Variants in OCLN observed in about 807,000 individuals in gnomAD.
OCLN encodes the protein occludin, also known as phosphatase 1, regulatory subunit 115.
Under a neutral mutation model 47.9 loss-of-function variants are expected in OCLN, and 21 were observed. The ratio of observed to expected loss-of-function variants is 0.44; its 90% CI spans 0.31 to 0.63. OCLN has a LOEUF of 0.63. Ranked by LOEUF, OCLN falls within the 30% of genes least tolerant of loss-of-function variation. OCLN has a pLI of 0.08. For synonymous variants in OCLN, 117 were observed against 198.4 expected (o/e 0.59, Z 3.45); for missense variants, 360 against 571.0 (o/e 0.63, Z 3.77).
chr5:69,523,866 A>G (rs1769209150), intron 4 of OCLN, among the ~76,000 whole-genome samples: 1 of 151,976 alleles, frequency 6.6e-6, no homozygotes, highest in African/African-American at 2.4e-5. Flanking sequence ...CTGGACTTTA[A>G]GGCTGAGCAC....
At position 69,509,815 on chromosome 5, in the gene OCLN, A is replaced by G. The variant is rs1335438322; in HGVS notation, c.725A>G (p.Gln242Arg). 4 of 1,612,998 alleles carry G rather than the reference A, an allele frequency of 2.5e-6. No homozygotes were observed. Among genetic ancestry groups the G allele is most frequent in the Non-Finnish European group, 3.4e-6 (4 of 1,179,534 alleles). ...TATCACTACTGTGTTGTGGATCCCC[A>G]GGAGGTATGAGTGGTGTTTTGGGTT... ...YLYHYCVVDP[Q>R]EAIAIVLGFM... Residue 242 changes from glutamine (Q) to arginine (R), a missense_variant, in exon 3 of 9, where the codon CAG becomes CGG. By Grantham distance (43) the Gln-to-Arg change is conservative. Around this residue, in one of 3 missense-constraint regions of OCLN, gnomAD observed 314 missense variants for 368.1 expected, o/e 0.85. Transcript: ENST00000396442.
At chr5:69,525,635 T>C (rs982360413) in intron 4 of OCLN, among the ~76,000 whole-genome samples, 1 of 152,156 alleles carries the variant, frequency 6.6e-6, no homozygotes, top group Non-Finnish European at 1.5e-5. Context: ...ACTCAACCAG[T>C]TTCTCTGATA....
rs1169773461 is a variant in OCLN at position 69,500,407 on chromosome 5, T to TC, written c.-68-3770_-68-3769insC. ...GTTCTTAACGAGCTTTCTTTTCTTT[T>TC]TTTTTTTTTTGAGACGGAGTTTTGC... On this transcript the variant is annotated intron_variant, in intron 1 of 8. Transcript: ENST00000396442. 6.6e-5 allele frequency among the ~76,000 whole-genome samples: 10 copies of TC among 151,508 alleles called. No individual in the cohort carries two copies. The East Asian group carries it at 9.7e-4, about 15-fold the overall frequency.
At chr5:69,518,995 G>A (rs976308958) in intron 4 of OCLN, among the ~76,000 whole-genome samples, 7 of 152,054 alleles carry the variant, frequency 4.6e-5, no homozygotes, top group Non-Finnish European at 5.9e-5. Context: ...AAAATTAGCC[G>A]GACGTGGGCA....
intron 3 of OCLN, among the ~76,000 whole-genome samples, chr5:69,511,103 C>G (rs1768771741): frequency 6.6e-6 from 1 of 151,746 alleles, no homozygotes; most frequent in South Asian, 2.1e-4. Context: ...GAGACGGAGT[C>G]TTGCTCTATC....
At chr5:69,513,858 G>A (rs573934471) in intron 3 of OCLN, 90 bp from the exon 4 acceptor site, 2 of 1,067,606 alleles carry the variant, frequency 1.9e-6, no homozygotes, top group South Asian at 1.3e-5. Context: ...AGGGCCTTAG[G>A]GTAGATAAGG....
chr5:69,516,409 A>G (rs1323550189), intron 4 of OCLN, among the ~76,000 whole-genome samples: 1 of 152,124 alleles, frequency 6.6e-6, no homozygotes, highest in Non-Finnish European at 1.5e-5. Context: ...AGGCAGGAGA[A>G]TCAGGCAGGG....
chr5:69,511,894 G>A (rs976638909), intron 3 of OCLN, among the ~76,000 whole-genome samples: 5 of 151,860 alleles, frequency 3.3e-5, no homozygotes, highest in African/African-American at 9.7e-5. Context: ...ACACGGTGGC[G>A]TGCCTGTAAT....
intron 2 of OCLN, among the ~76,000 whole-genome samples, chr5:69,507,686 A>G (rs569263932): frequency 1.2e-4 from 18 of 151,884 alleles, no homozygotes; most frequent in Admixed American, 2.6e-4. Context: ...GCTTACTGCA[A>G]CCTCCACCTC....
chr5:69,533,134 C>CAT lies in OCLN; in HGVS notation c.892-1552_892-1551dup, dbSNP rs753669076. On this transcript the variant is annotated intron_variant, in intron 4 of 8. Coordinates refer to ENST00000396442, the MANE Select transcript of OCLN (RefSeq NM_001205254.2). ...ATATATATATACACACACACACACACATATATATACATACAGTGTTGGGAG... is the reference window on the plus strand; with the variant it reads ...ATATATATATACACACACACACACACATATATATATACATACAGTGTTGGGAG... Among the ~76,000 whole-genome samples, 93 of 149,690 alleles carry CAT rather than the reference C, an allele frequency of 6.2e-4. 1 individual carries two copies. The East Asian group carries it at 0.014, about 23-fold the overall frequency.
At position 69,547,049 on chromosome 5, in the gene OCLN, C is replaced by T. The variant is rs1580593553; in HGVS notation, c.1254-881C>T. 2.0e-5 allele frequency among the ~76,000 whole-genome samples: 3 copies of T among 148,752 alleles called. No homozygotes were observed. In the East Asian group the frequency reaches 5.8e-4, roughly 29 times the overall value. On this transcript the variant is annotated intron_variant, in intron 6 of 8. Transcript: ENST00000396442. Reference sequence around the variant, plus strand: ...TTCTTCTTTATACTTTAATGAATTGCCAGATTATTTTAACAGTGAGCACAT... The same window carrying T: ...TTCTTCTTTATACTTTAATGAATTGTCAGATTATTTTAACAGTGAGCACAT...
chr5:69,492,635 G>A (rs1409207637), upstream of OCLN: 2 of 152,412 alleles, frequency 1.3e-5, no homozygotes, highest in African/African-American at 2.4e-5. Flanking sequence ...CCAGAGCGCC[G>A]AGGAGCCGGT....
At chr5:69,530,767 C>T (rs1003427925) in intron 4 of OCLN, 6 of 152,294 alleles carry the variant, frequency 3.9e-5, no homozygotes, top group African/African-American at 1.2e-4. Flanking sequence ...AATCAGAGAT[C>T]TTTGCTGAAG....
At chr5:69,516,487 G>GA (rs1464507236) in intron 4 of OCLN, among the ~76,000 whole-genome samples, 1 of 151,994 alleles carries the variant, frequency 6.6e-6, no homozygotes, top group Admixed American at 6.5e-5. Context: ...GGAGACCGTG[G>GA]AAAGAGAGGG....
At chr5:69,527,419 C>G (rs1341441170) in intron 4 of OCLN, among the ~76,000 whole-genome samples, 3 of 152,218 alleles carry the variant, frequency 2.0e-5, no homozygotes, top group Admixed American at 6.5e-5. Context: ...AGCTGTATGG[C>G]TTGTGGAACA....
At chr5:69,498,160 A>G (rs763003170) in intron 1 of OCLN, among the ~76,000 whole-genome samples, 1 of 151,944 alleles carries the variant, frequency 6.6e-6, no homozygotes, top group Non-Finnish European at 1.5e-5. Flanking sequence ...TTATTAAATT[A>G]GTTCTCCTCT....
chr5:69,533,395 G>A (rs1769502411), intron 4 of OCLN, among the ~76,000 whole-genome samples: 1 of 152,214 alleles, frequency 6.6e-6, no homozygotes, highest in Middle Eastern at 3.4e-3. Context: ...CACAAGGAGT[G>A]GATAGAAACA....
At position 69,493,736 on chromosome 5, in the gene OCLN, C is replaced by CA. The variant is rs1768210912; in HGVS notation, c.-69+837dup. Among the ~76,000 whole-genome samples the CA allele has an allele frequency of 6.6e-6, 1 of 152,186 alleles. No homozygotes were observed. Among genetic ancestry groups the CA allele is most frequent in the Non-Finnish European group, 1.5e-5 (1 of 68,016 alleles). Reference sequence around the variant, plus strand: ...AGCCGGGACCCGCGCCCAGCCGGGCCACGGAGTTTGGGGACCTCCGGGACT... The same window carrying CA: ...AGCCGGGACCCGCGCCCAGCCGGGCCAACGGAGTTTGGGGACCTCCGGGACT... On this transcript the variant is annotated intron_variant, in intron 1 of 8. Transcript: ENST00000396442. The surrounding 1 kb of genome is among the most constrained non-coding windows in gnomAD (Gnocchi z 5.3).
intron 1 of OCLN, among the ~76,000 whole-genome samples, chr5:69,496,645 A>G (rs1443518131): frequency 2.0e-5 from 3 of 149,812 alleles, no homozygotes; most frequent in Admixed American, 6.7e-5. Flanking sequence ...GGCTCAAACA[A>G]TCCCTCTGCC....
Sources: allele counts gnomAD v4.1 joint callset (sites outside exome capture counted in the v4.1 genomes callset), GRCh38; gene constraint gnomAD v4.1.1; regional missense constraint gnomAD v4.1.1; non-coding constraint Gnocchi (gnomAD v3.1); transcripts MANE v1.5; gene names NCBI Gene and HGNC (gene_info 2026-07-23, HGNC 2026-07-21).